CD86: variants seen among roughly 807,000 people sequenced by gnomAD.
CD86 encodes the protein T-lymphocyte activation antigen CD86.
In CD86, 11 loss-of-function variants were observed where a neutral mutation model predicts 32.1. That is an observed-to-expected ratio of 0.34 (90% confidence interval 0.22 to 0.57). The LOEUF (loss-of-function observed/expected upper bound fraction) is 0.57. CD86 is among the 20% of genes least tolerant of loss of function. The pLI, the probability that CD86 is intolerant of heterozygous loss-of-function variation, is 0.86. For missense variants in CD86, 359 were observed against 398.4 expected (o/e 0.90, Z 0.84); for synonymous variants, 137 against 135.3 (o/e 1.01, Z -0.09).
At chr3:122,079,716 T>A (rs1024224506) in intron 1 of CD86, among the ~76,000 whole-genome samples, 6 of 152,112 alleles carry the variant, frequency 3.9e-5, no homozygotes, top group Non-Finnish European at 8.8e-5. Flanking sequence ...CGGGCTGAGG[T>A]TTGGGAAATA....
chr3:122,089,647 A>G (rs1358812212), intron 1 of CD86, among the ~76,000 whole-genome samples: 1 of 152,266 alleles, frequency 6.6e-6, no homozygotes, highest in East Asian at 1.9e-4. Flanking sequence ...TCAGGGGAGA[A>G]CAATTTGCAA....
intron 3 of CD86, 99 bp from the exon 4 acceptor site, chr3:122,106,098 GC>G: frequency 1.2e-6 from 1 of 844,762 alleles, no homozygotes. Context: ...TCCCAGGTGT[GC>G]CCCAATGAGC....
chr3:122,112,380 G>T (rs561784276), intron 5 of CD86, among the ~76,000 whole-genome samples: 2 of 151,682 alleles, frequency 1.3e-5, no homozygotes, highest in African/African-American at 4.9e-5. Flanking sequence ...GCAGTGGCAC[G>T]ATCTCAGCAC....
At chr3:122,101,509 AAAAAAT>A (rs1286614712) in intron 2 of CD86, among the ~76,000 whole-genome samples, 7 of 57,010 alleles carry the variant, frequency 1.2e-4, no homozygotes, top group African/African-American at 4.2e-4. Flanking sequence ...AAAAAAAAAA[AAAAAAT>A]ATATATATAT....
intron 2 of CD86, among the ~76,000 whole-genome samples, chr3:122,095,665 T>C (rs1338854647): frequency 6.6e-6 from 1 of 152,214 alleles, no homozygotes; most frequent in Non-Finnish European, 1.5e-5. Context: ...TCGAGACCTA[T>C]CATTCCCAAA....
chr3:122,068,790 T>C (rs2072449246), intron 1 of CD86, among the ~76,000 whole-genome samples: 1 of 152,212 alleles, frequency 6.6e-6, no homozygotes, highest in African/African-American at 2.4e-5. Context: ...TAAGATTAGA[T>C]TGTAAATCCT....
intron 2 of CD86, among the ~76,000 whole-genome samples, chr3:122,101,981 G>A (rs1306229323): frequency 1.3e-5 from 2 of 152,082 alleles, no homozygotes; most frequent in African/African-American, 4.8e-5. Context: ...TGAGTGTAGT[G>A]AAATAGGCAG....
intron 1 of CD86, among the ~76,000 whole-genome samples, chr3:122,065,833 G>A (rs562842278): frequency 1.3e-5 from 2 of 151,996 alleles, no homozygotes; most frequent in African/African-American, 4.8e-5. Flanking sequence ...AAGATCTCTG[G>A]GTGTTGGAAG....
At chr3:122,076,490 AG>A (rs1411564884) in intron 1 of CD86, among the ~76,000 whole-genome samples, 1 of 152,236 alleles carries the variant, frequency 6.6e-6, no homozygotes, top group Non-Finnish European at 1.5e-5. Flanking sequence ...GGAAAACCCC[AG>A]GTGGGATCTA....
intron 1 of CD86, among the ~76,000 whole-genome samples, chr3:122,090,284 G>A (rs777478778): frequency 6.6e-6 from 1 of 152,144 alleles, no homozygotes; most frequent in East Asian, 1.9e-4. Flanking sequence ...TGAGAGCAGA[G>A]GAAAGAAACA....
intron 1 of CD86, among the ~76,000 whole-genome samples, chr3:122,059,444 G>A (rs1342176735): frequency 1.3e-5 from 2 of 151,560 alleles, no homozygotes; most frequent in Non-Finnish European, 2.9e-5. Flanking sequence ...ACTGAGGCAC[G>A]AGAATAGCTT....
At chr3:122,101,606 C>G (rs1292223676) in intron 2 of CD86, among the ~76,000 whole-genome samples, 1 of 149,402 alleles carries the variant, frequency 6.7e-6, no homozygotes, top group South Asian at 2.1e-4. Context: ...GCACAACTGA[C>G]AGCTGAGTAA....
chr3:122,056,458 C>T (rs1011339464), intron 1 of CD86, among the ~76,000 whole-genome samples: 1 of 152,202 alleles, frequency 6.6e-6, no homozygotes, highest in Non-Finnish European at 1.5e-5. Context: ...CCTCAGTCTC[C>T]TGAGTAGCTG....
At chr3:122,066,937 C>T (rs192701741) in intron 1 of CD86, among the ~76,000 whole-genome samples, 124 of 152,232 alleles carry the variant, frequency 8.1e-4, no homozygotes, top group Non-Finnish European at 1.3e-3. Context: ...CAGGCTCCAA[C>T]TGTGGCATGA....
At chr3:122,104,386 C>T (rs2073058604) in intron 3 of CD86, among the ~76,000 whole-genome samples, 1 of 152,202 alleles carries the variant, frequency 6.6e-6, no homozygotes. Context: ...ACCCAACAAA[C>T]ATAACCCACA....
At chr3:122,068,788 G>T (rs2072449171) in intron 1 of CD86, among the ~76,000 whole-genome samples, 1 of 152,168 alleles carries the variant, frequency 6.6e-6, no homozygotes, top group South Asian at 2.1e-4. Context: ...TGTAAGATTA[G>T]ATTGTAAATC....
chr3:122,117,747 T>C (rs1052020864), intron 5 of CD86, among the ~76,000 whole-genome samples: 3 of 152,222 alleles, frequency 2.0e-5, no homozygotes, highest in African/African-American at 7.2e-5. Context: ...TTGCTAAAAC[T>C]AAATATATTA....
In CD86 at chr3:122,120,467, T is replaced by C. The variant is rs2073327168; in HGVS notation, c.*933T>C. The stretch of plus-strand genomic sequence containing the variant: ...TGAAATGTCTGGTCTGTCCACCCCA[T>C]CAACAAGTCTTGAAACAAGCAACAG... On this transcript the variant is annotated 3_prime_UTR_variant, in exon 7 of 7. Transcript: ENST00000330540. The C allele has an allele frequency of 6.6e-6, 1 of 152,162 alleles. No individual in the cohort carries two copies. Among genetic ancestry groups the C allele is most frequent in the South Asian group, 2.1e-4 (1 of 4,824 alleles). 9.4% of individuals were successfully genotyped at this position (152,162 alleles called of 1,614,324 possible). A position where few individuals can be genotyped will look rare whatever the true frequency, so the allele number is the denominator to read the frequency against.
At chr3:122,080,375 AC>A (rs2072615225) in intron 1 of CD86, among the ~76,000 whole-genome samples, 2 of 152,128 alleles carry the variant, frequency 1.3e-5, no homozygotes, top group Non-Finnish European at 2.9e-5. Flanking sequence ...TCTAGATACA[AC>A]TCGGAGAACT....
Sources: gnomAD v4.1 joint callset for allele counts (sites outside exome capture counted in the v4.1 genomes callset) on GRCh38, gnomAD v4.1.1 for gene constraint, MANE v1.5 for transcripts, NCBI Gene and HGNC (gene_info 2026-07-23, HGNC 2026-07-21) for gene names.